Variants in AFAP1 observed in about 807,000 individuals in gnomAD.
The protein encoded by AFAP1 is actin filament-associated protein 1.
In AFAP1, 75 loss-of-function variants were observed where a neutral mutation model predicts 93.9. That is an observed-to-expected ratio of 0.80 (90% CI 0.66 to 0.97). AFAP1 has a LOEUF of 0.97. AFAP1 is among the 50% of genes least tolerant of loss of function. The probability of loss-of-function intolerance (pLI) is 0.00; values close to 1 mark genes in which losing one functional copy is unlikely to be tolerated. For missense variants in AFAP1, 1,201 were observed against 1,050.8 expected (o/e 1.14, Z -1.98); for synonymous variants, 517 against 430.7 (o/e 1.20, Z -2.48).
chr4:7,786,252 T>G lies in AFAP1; in HGVS notation c.1472A>C (p.Tyr491Ser). Residue 491 changes from tyrosine to serine, a missense_variant, in exon 12 of 18, where the codon TAT becomes TCT. Tyr to Ser is a moderately radical substitution (Grantham distance 144). Transcript: ENST00000420658. The part of the protein sequence containing the change: ...NPYLGGTSNG[Y>S]AHPSGTALHY... ...AAGTGCCGTCCCGCTGGGGTGGGCA[T>G]AGCCGTTGGAGGTGCCCCCTAGATA... is the stretch of plus-strand genomic sequence containing the variant. 1.2e-6 allele frequency: 2 copies of G among 1,614,164 alleles called. No homozygotes were observed. The highest frequency in any genetic ancestry group is 2.2e-5 in the South Asian group (2 of 91,070).
chr4:7,833,392 C>A (rs1314130768), intron 6 of AFAP1, among the ~76,000 whole-genome samples: 1 of 151,918 alleles, frequency 6.6e-6, no homozygotes, highest in Admixed American at 6.6e-5. Flanking sequence ...AACAAACATA[C>A]AAAAAAATGC....
At chr4:7,774,537 C>A (rs1041658130) in intron 15 of AFAP1, 6 of 761,874 alleles carry the variant, frequency 7.9e-6, no homozygotes, top group East Asian at 2.9e-5. Context: ...TCTGCCTGCA[C>A]GCCGCATGTT....
intron 1 of AFAP1, among the ~76,000 whole-genome samples, chr4:7,895,403 A>C (rs555347416): frequency 2.6e-5 from 3 of 116,480 alleles, no homozygotes; most frequent in African/African-American, 5.4e-5. Flanking sequence ...AGATTTTTTT[A>C]AAAAAAGCTC....
At chr4:7,872,228 G>C (rs921853009) in intron 1 of AFAP1, 148 bp from the exon 2 acceptor site, 1 of 968,676 alleles carries the variant, frequency 1.0e-6, no homozygotes, top group Non-Finnish European at 1.5e-6. Flanking sequence ...CTGAAAGCAG[G>C]TCCACTAAAA....
chr4:7,826,421 A>G (rs1721427315), intron 6 of AFAP1, among the ~76,000 whole-genome samples: 1 of 152,200 alleles, frequency 6.6e-6, no homozygotes, highest in South Asian at 2.1e-4. Context: ...CAGGCTTCCC[A>G]GAGCATCCAC....
rs1713550991 is a variant in AFAP1, at chr4:7,759,995, T to C, written c.*3770A>G. 1 of 152,160 alleles carries C rather than the reference T, an allele frequency of 6.6e-6. No individual in the cohort carries two copies. Among genetic ancestry groups the C allele is most frequent in the Non-Finnish European group, 1.5e-5 (1 of 68,028 alleles). 9.4% of individuals were successfully genotyped at this position (152,160 alleles called of 1,614,324 possible). A position where few individuals can be genotyped will look rare whatever the true frequency, so the allele number is the denominator to read the frequency against. On this transcript the variant is annotated 3_prime_UTR_variant, in exon 18 of 18. Coordinates refer to ENST00000420658, the MANE Select transcript of AFAP1 (RefSeq NM_001134647.2). ...TGGGCAAAATTTACATCCCCCCAAA[T>C]AGTGGGTGAGTAGAATTAATAGCCT...
At chr4:7,859,185 C>T (rs746852541) in intron 3 of AFAP1, among the ~76,000 whole-genome samples, 31 of 152,174 alleles carry the variant, frequency 2.0e-4, no homozygotes, top group Non-Finnish European at 3.8e-4. Context: ...CTTTGGGAGA[C>T]GGAGGCAGGC....
At chr4:7,829,213 A>C (rs1267937004) in intron 6 of AFAP1, among the ~76,000 whole-genome samples, 1 of 152,226 alleles carries the variant, frequency 6.6e-6, no homozygotes, top group Non-Finnish European at 1.5e-5. Flanking sequence ...GTATTTCTTC[A>C]TAGCGGCATG....
At chr4:7,857,267 G>T (rs1036310095) in intron 3 of AFAP1, among the ~76,000 whole-genome samples, 1 of 152,110 alleles carries the variant, frequency 6.6e-6, no homozygotes, top group Non-Finnish European at 1.5e-5. Context: ...TCTCCAGAAA[G>T]TACGACTCCA....
intron 16 of AFAP1, among the ~76,000 whole-genome samples, chr4:7,770,990 T>A (rs745467763): frequency 9.9e-5 from 15 of 152,232 alleles, no homozygotes; most frequent in Non-Finnish European, 1.5e-4. Context: ...TCCCCATTTA[T>A]GCTGGATGAG....
rs1720152512 is a variant in AFAP1, at chr4:7,917,521, G to C, written c.-3+22135C>G. 3.3e-5 allele frequency among the ~76,000 whole-genome samples: 5 copies of C among 152,110 alleles called. No homozygotes were observed. The South Asian group carries it at 1.0e-3, about 31-fold the overall frequency. On this transcript the variant is annotated intron_variant, in intron 1 of 17. Transcript: ENST00000420658. ...AATGAGCATCTATTGCTTTTGTAAA[G>C]TTTTTGAAAGGAATTTATTGCAATT...
chr4:7,798,169 T>TGGCTCACAGCATTGCAACTCTATC (rs1718637373), intron 10 of AFAP1, among the ~76,000 whole-genome samples: 1 of 109,698 alleles, frequency 9.1e-6, no homozygotes, highest in African/African-American at 3.4e-5. Context: ...GCAACTCTAC[T>TGGCTCACAGCATTGCAACTCTATC]GGCTGGCTCA....
chr4:7,865,739 T>C (rs6605361), intron 3 of AFAP1, among the ~76,000 whole-genome samples: 138,246 of 152,226 alleles, frequency 0.91, 63,354 homozygotes, highest in Non-Finnish European at 0.95. Context: ...GGCATCCCTC[T>C]GCTACACCCA....
At chr4:7,932,074 G>A (rs1721100928) in intron 1 of AFAP1, among the ~76,000 whole-genome samples, 1 of 151,850 alleles carries the variant, frequency 6.6e-6, no homozygotes, top group Non-Finnish European at 1.5e-5. Flanking sequence ...TAACCAGGAT[G>A]GTCTCGATCT....
chr4:7,809,769 A>G lies in AFAP1; in HGVS notation c.905-6T>C. 6.2e-7 allele frequency: 1 copy of G among 1,609,772 alleles called. No individual in the cohort carries two copies. Among genetic ancestry groups the G allele is most frequent in the Non-Finnish European group, 8.5e-7 (1 of 1,178,876 alleles). ...GGAACTTTTCTTCCTCTTCACTGTC[A>G]AGAGTAACAACAGCAAAAAAGCATG... On this transcript the variant is annotated splice_polypyrimidine_tract_variant and splice_region_variant and intron_variant, in intron 8 of 17. Coordinates refer to ENST00000420658, the MANE Select transcript of AFAP1 (RefSeq NM_001134647.2).
At chr4:7,769,656 A>T (rs1276053748) in intron 16 of AFAP1, among the ~76,000 whole-genome samples, 1 of 151,942 alleles carries the variant, frequency 6.6e-6, no homozygotes, top group African/African-American at 2.4e-5. Flanking sequence ...GGGGGAAAAA[A>T]ACGCCACAGT....
intron 3 of AFAP1, among the ~76,000 whole-genome samples, chr4:7,859,471 A>C (rs1232719392): frequency 6.6e-6 from 1 of 152,152 alleles, no homozygotes; most frequent in Non-Finnish European, 1.5e-5. Flanking sequence ...ATCTTTAGAC[A>C]CTTAAAAAGA....
intron 1 of AFAP1, among the ~76,000 whole-genome samples, chr4:7,930,617 CAGG>C (rs1721014074): frequency 6.6e-6 from 1 of 152,214 alleles, no homozygotes; most frequent in African/African-American, 2.4e-5. Flanking sequence ...GCTCTTGTGT[CAGG>C]AATTGAAACC....
chr4:7,891,819 C>T (rs532903433), intron 1 of AFAP1, among the ~76,000 whole-genome samples: 8 of 145,642 alleles, frequency 5.5e-5, no homozygotes, highest in South Asian at 2.2e-4. Context: ...GATGCCAAGG[C>T]GGGTGGATCA....
Sources: gnomAD v4.1 joint callset for allele counts (sites outside exome capture counted in the v4.1 genomes callset) on GRCh38, gnomAD v4.1.1 for gene constraint, MANE v1.5 for transcripts, NCBI Gene and HGNC (gene_info 2026-07-23, HGNC 2026-07-21) for gene names.